Variants in TBC1D22A observed in about 807,000 individuals in gnomAD.
The protein encoded by TBC1D22A is putative GTPase activator.
TBC1D22A carries 38 observed loss-of-function variants against 60.2 expected under a neutral mutation model. The observed-to-expected ratio is 0.63, with a 90% CI of 0.49 to 0.83. The LOEUF is 0.83. Among genes scored for constraint, TBC1D22A ranks in the 40% least tolerant of loss-of-function variants. The pLI is 0.00. For missense variants in TBC1D22A, 628 were observed against 701.0 expected (o/e 0.90, Z 1.18); for synonymous variants, 302 against 281.7 (o/e 1.07, Z -0.72).
At chr22:46,988,835 G>A (rs1221000009) in intron 9 of TBC1D22A, among the ~76,000 whole-genome samples, 3 of 152,194 alleles carry the variant, frequency 2.0e-5, no homozygotes, top group Non-Finnish European at 4.4e-5. Flanking sequence ...AGAGTCAGCT[G>A]GTCCTTCGAA....
chr22:47,164,730 G>C (rs2068130007), intron 12 of TBC1D22A, among the ~76,000 whole-genome samples: 1 of 152,184 alleles, frequency 6.6e-6, no homozygotes, highest in Non-Finnish European at 1.5e-5. Context: ...AAGTTCACTG[G>C]GGTCGCTCCG....
chr22:46,939,406 G>A (rs2071854269), intron 8 of TBC1D22A, among the ~76,000 whole-genome samples: 1 of 152,232 alleles, frequency 6.6e-6, no homozygotes, highest in Non-Finnish European at 1.5e-5. Context: ...TCAAAAGGAT[G>A]GGCTTTATCA....
At chr22:46,935,662 A>G (rs1024227914) in intron 8 of TBC1D22A, among the ~76,000 whole-genome samples, 31 of 152,138 alleles carry the variant, frequency 2.0e-4, no homozygotes, top group African/African-American at 7.0e-4. Context: ...CTGCTGTGCT[A>G]TGGGCCGTCT....
chr22:46,957,878 C>T (rs1241395308), intron 8 of TBC1D22A, among the ~76,000 whole-genome samples: 1 of 152,186 alleles, frequency 6.6e-6, no homozygotes, highest in Non-Finnish European at 1.5e-5. Flanking sequence ...ACGTTTCTAA[C>T]AATAGTGGAC....
intron 8 of TBC1D22A, among the ~76,000 whole-genome samples, chr22:46,942,048 T>C: frequency 7.1e-6 from 1 of 140,512 alleles, no homozygotes; most frequent in African/African-American, 2.7e-5. Context: ...ATACACACAG[T>C]CCACCCTTGA....
intron 8 of TBC1D22A, among the ~76,000 whole-genome samples, chr22:46,919,034 G>C (rs2147827687): frequency 6.6e-6 from 1 of 152,244 alleles, no homozygotes; most frequent in South Asian, 2.1e-4. Context: ...TACCCACTTA[G>C]AGTGTAAAGT....
intron 7 of TBC1D22A, among the ~76,000 whole-genome samples, chr22:46,907,893 G>A (rs904075340): frequency 2.6e-5 from 4 of 152,212 alleles, no homozygotes; most frequent in Non-Finnish European, 4.4e-5. Flanking sequence ...CGTGGGAGCC[G>A]TGGGAAGTTT....
intron 4 of TBC1D22A, among the ~76,000 whole-genome samples, chr22:46,867,708 G>C (rs1216281758): frequency 2.0e-5 from 3 of 152,242 alleles, no homozygotes; most frequent in African/African-American, 7.2e-5. Flanking sequence ...ATCTATAGAT[G>C]ACATGGCGAA....
At chr22:47,011,721 T>C (rs1342549525) in intron 10 of TBC1D22A, among the ~76,000 whole-genome samples, 1 of 152,202 alleles carries the variant, frequency 6.6e-6, no homozygotes, top group African/African-American at 2.4e-5. Context: ...CTCCAGATGT[T>C]TATGATTTTC....
intron 11 of TBC1D22A, among the ~76,000 whole-genome samples, chr22:47,082,639 A>G (rs756980442): frequency 2.6e-5 from 4 of 152,206 alleles, no homozygotes; most frequent in Admixed American, 6.5e-5. Context: ...ACTCAACCTT[A>G]TTAGTCATCA....
At chr22:46,819,576 A>G (rs1089346) in intron 4 of TBC1D22A, among the ~76,000 whole-genome samples, 62,826 of 152,074 alleles carry the variant, frequency 0.41, 13,226 homozygotes, top group African/African-American at 0.5. Context: ...CTTGAATCCC[A>G]GGGATGAAGC....
At chr22:46,857,241 T>TG (rs2087615449) in intron 4 of TBC1D22A, among the ~76,000 whole-genome samples, 1 of 152,240 alleles carries the variant, frequency 6.6e-6, no homozygotes, top group African/African-American at 2.4e-5. Flanking sequence ...CTGGGGTCTC[T>TG]GGGAGAGCTC....
At chr22:47,109,607 G>A (rs2065770950) in intron 11 of TBC1D22A, among the ~76,000 whole-genome samples, 1 of 152,108 alleles carries the variant, frequency 6.6e-6, no homozygotes, top group Admixed American at 6.5e-5. Flanking sequence ...AAACTTGGCA[G>A]TTCCAAAGAA....
At chr22:46,796,808 G>C (rs1480855018) in intron 3 of TBC1D22A, among the ~76,000 whole-genome samples, 1 of 152,162 alleles carries the variant, frequency 6.6e-6, no homozygotes, top group African/African-American at 2.4e-5. Context: ...GGTCTGGGAA[G>C]GTGCCATCCC....
intron 4 of TBC1D22A, among the ~76,000 whole-genome samples, chr22:46,822,264 C>T (rs2085863439): frequency 6.6e-6 from 1 of 152,082 alleles, no homozygotes; most frequent in African/African-American, 2.4e-5. Context: ...GATCTTCTGT[C>T]CAGTTCTGTG....
At chr22:46,797,068 C>G (rs2084685820) in intron 3 of TBC1D22A, among the ~76,000 whole-genome samples, 1 of 152,102 alleles carries the variant, frequency 6.6e-6, no homozygotes, top group African/African-American at 2.4e-5. Context: ...GCACTCAGGC[C>G]TGGCTGACCC....
intron 7 of TBC1D22A, among the ~76,000 whole-genome samples, chr22:46,901,238 G>C (rs778613250): frequency 6.6e-6 from 1 of 152,198 alleles, no homozygotes; most frequent in African/African-American, 2.4e-5. Context: ...GATGTGCCAC[G>C]CTGCCAGACG....
chr22:46,801,838 G>A (rs1156571643), intron 4 of TBC1D22A, among the ~76,000 whole-genome samples: 2 of 152,256 alleles, frequency 1.3e-5, no homozygotes, highest in African/African-American at 4.8e-5. Flanking sequence ...CTTTATGAGA[G>A]CGTGCTGATA....
intron 11 of TBC1D22A, among the ~76,000 whole-genome samples, chr22:47,062,567 C>G (rs77455384): frequency 0.023 from 3,497 of 152,226 alleles, 75 homozygotes; most frequent in Middle Eastern, 0.044. Context: ...GGTGCTTCCT[C>G]TAGCGTGAGT....
Sources: gnomAD v4.1 joint callset for allele counts (sites outside exome capture counted in the v4.1 genomes callset) on GRCh38, gnomAD v4.1.1 for gene constraint, MANE v1.5 for transcripts, NCBI Gene and HGNC (gene_info 2026-07-23, HGNC 2026-07-21) for gene names.